MAP3K1: variants seen among roughly 807,000 people sequenced by gnomAD.
The protein encoded by MAP3K1 is MAP/ERK kinase kinase 1.
A neutral mutation model predicts 144.2 loss-of-function variants in MAP3K1; 36 were observed. The ratio of observed to expected loss-of-function variants is 0.25; its 90% confidence interval spans 0.19 to 0.33. The LOEUF (loss-of-function observed/expected upper bound fraction) is 0.33, where lower values mean the gene tolerates loss of function less well. Among genes scored for constraint, MAP3K1 ranks in the 10% least tolerant of loss-of-function variants. The pLI is 1.00. For missense variants in MAP3K1, 1,650 were observed against 1,881.9 expected, an observed-to-expected ratio of 0.88 and a Z score of 2.28; for synonymous variants, 718 against 688.7, an observed-to-expected ratio of 1.04 and a Z score of -0.67.
chr5:56,884,919 C>A (rs1748335483), intron 16 of MAP3K1, 93 bp downstream of exon 16: 2 of 1,214,018 alleles, frequency 1.6e-6, no homozygotes, highest in African/African-American at 1.5e-5. Flanking sequence ...TTATTTCTAT[C>A]AAATAGTTTG....
rs772929953 is a variant in MAP3K1 at position 56,888,081 on chromosome 5, A to G, written c.4258-145A>G. ...ACCTGGAAAATTAAGCTCATTAATGAAATAAATTAGATATTAGGTAGTCCA... is the reference window on the plus strand; with the variant it reads ...ACCTGGAAAATTAAGCTCATTAATGGAATAAATTAGATATTAGGTAGTCCA... On this transcript the variant is annotated intron_variant, in intron 18 of 19. Coordinates refer to ENST00000399503, the MANE Select transcript of MAP3K1 (RefSeq NM_005921.2). 101 of 688,336 alleles carry G rather than the reference A, an allele frequency of 1.5e-4. No homozygotes were observed. In the Middle Eastern group the frequency reaches 1.6e-3, roughly 11 times the overall value. The allele number at this position is 688,336 out of a possible 1,614,324, so 42.6% of individuals were successfully genotyped here.
intron 1 of MAP3K1, among the ~76,000 whole-genome samples, chr5:56,830,811 A>T (rs565924320): frequency 6.6e-6 from 1 of 151,780 alleles, no homozygotes; most frequent in Admixed American, 6.6e-5. Context: ...GCTAAATCTT[A>T]TATTGGTTAA....
chr5:56,866,040 T>G, intron 6 of MAP3K1, 63 bp downstream of exon 6: 1 of 1,243,654 alleles, frequency 8.0e-7, no homozygotes, highest in Non-Finnish European at 1.2e-6. Context: ...AGGGGTAATT[T>G]TTTATATCTA....
At chr5:56,843,778 T>C (rs1308314274) in intron 1 of MAP3K1, among the ~76,000 whole-genome samples, 1 of 152,226 alleles carries the variant, frequency 6.6e-6, no homozygotes, top group Non-Finnish European at 1.5e-5. Flanking sequence ...TTTTGAATTA[T>C]TGGAGCCTTA....
intron 1 of MAP3K1, among the ~76,000 whole-genome samples, chr5:56,818,701 CA>C (rs1216260244): frequency 1.3e-5 from 2 of 152,072 alleles, no homozygotes; most frequent in Admixed American, 1.3e-4. Context: ...TGTTACTCTC[CA>C]TTGAACAGCC....
In MAP3K1 at chr5:56,839,908, T is replaced by C. The variant is rs546916551; in HGVS notation, c.483-16692T>C. Among the ~76,000 whole-genome samples the C allele has an allele frequency of 2.2e-3, 338 of 152,330 alleles. 3 individuals carry two copies. Among genetic ancestry groups the C allele is most frequent in the African/African-American group, 7.8e-3 (324 of 41,568 alleles). On this transcript the variant is annotated intron_variant, in intron 1 of 19. Coordinates refer to ENST00000399503, the MANE Select transcript of MAP3K1 (RefSeq NM_005921.2). ...AATAAGTGGGTAAATAATCATCTTA[T>C]TAATGTTTCTTAAATGTATGTTACA...
At position 56,881,695 on chromosome 5, in the gene MAP3K1, A is replaced by G. The variant is rs1273697473; in HGVS notation, c.2495A>G (p.His832Arg). 1.9e-6 allele frequency: 3 copies of G among 1,613,992 alleles called. No individual in the cohort carries two copies. Among genetic ancestry groups the G allele is most frequent in the Non-Finnish European group, 2.5e-6 (3 of 1,179,960 alleles). ...SSARMVTTVP[H>R]VFSKLLEMLS... ...GCAAGAATGGTTACTACAGTACCCC[A>G]TGTGTTTTCAAAACTGTTAGAAATG... Residue 832 changes from histidine (H) to arginine (R), a missense_variant, in exon 14 of 20, where the codon CAT (histidine) becomes CGT (arginine). By Grantham distance (29) the His-to-Arg change is conservative (BLOSUM62 0). Transcript: ENST00000399503.
intron 19 of MAP3K1, among the ~76,000 whole-genome samples, chr5:56,890,701 T>G (rs1024730341): frequency 4.6e-5 from 7 of 152,080 alleles, no homozygotes; most frequent in African/African-American, 1.7e-4. Context: ...CTGTTGGTGT[T>G]GATTTACAAA....
chr5:56,865,086 T>C, intron 4 of MAP3K1, 152 bp downstream of exon 4: 1 of 797,998 alleles, frequency 1.3e-6, no homozygotes, highest in Non-Finnish European at 2.0e-6. Context: ...TATTTTTCTT[T>C]AATGTATTTA....
rs1748626200 is a variant in MAP3K1, at chr5:56,893,934, C to A, written c.*254C>A. 7.6e-6 allele frequency: 4 copies of A among 523,484 alleles called. No homozygotes were observed. Among genetic ancestry groups the A allele is most frequent in the Non-Finnish European group, 1.4e-5 (4 of 289,692 alleles). The allele number at this position is 523,484 out of a possible 1,614,324, so 32.4% of individuals were successfully genotyped here. On this transcript the variant is annotated 3_prime_UTR_variant, in exon 20 of 20. Transcript: ENST00000399503. ...AACTGGCCCTAGGTGAACAGGAAAA[C>A]AATGAAGTTTGCATGACTAAATTGC...
At chr5:56,834,090 A>G (rs1224040982) in intron 1 of MAP3K1, among the ~76,000 whole-genome samples, 1 of 152,056 alleles carries the variant, frequency 6.6e-6, no homozygotes, top group Non-Finnish European at 1.5e-5. Context: ...GGCAAGATAA[A>G]TATCTTTATC....
intron 1 of MAP3K1, among the ~76,000 whole-genome samples, chr5:56,816,769 G>A (rs902496557): frequency 9.2e-5 from 14 of 152,226 alleles, no homozygotes; most frequent in African/African-American, 3.4e-4. Flanking sequence ...TAGGAAGTGC[G>A]GTTTGTCTAA....
chr5:56,879,116 A>G lies in MAP3K1; in HGVS notation c.2087+15A>G. The G allele has an allele frequency of 1.2e-6, 2 of 1,613,824 alleles. No individual in the cohort carries two copies. The highest frequency in any genetic ancestry group is 2.7e-5 in the African/African-American group (2 of 75,018). The stretch of plus-strand genomic sequence containing the variant: ...GATGCCAATAGGTAAGGCTTTATTG[A>G]TGAATCACTTCAAACCCTCTTGTCT... On this transcript the variant is annotated intron_variant, in intron 11 of 19. Transcript: ENST00000399503.
At position 56,816,006 on chromosome 5, in the gene MAP3K1, G is replaced by A. The variant is rs1482818434; in HGVS notation, c.433G>A (p.Glu145Lys). ...GAGTCCCGCAGCGGCCGAGCCCGGGGAGAAGCGGGCGCCCGCCGCCGAGCC... is the reference window on the plus strand; with the variant it reads ...GAGTCCCGCAGCGGCCGAGCCCGGGAAGAAGCGGGCGCCCGCCGCCGAGCC... ...ASSPAAAEPG[E>K]KRAPAAEPSP... Residue 145 changes from glutamate to lysine, a missense_variant, in exon 1 of 20, where the codon GAG becomes AAG. Physicochemically the swap from Glu to Lys is moderately conservative, Grantham distance 56. Around this residue, in one of 6 missense-constraint regions of MAP3K1, gnomAD observed 360 missense variants for 274.7 expected, o/e 1.31. Transcript: ENST00000399503. The A allele has an allele frequency of 1.8e-5, 22 of 1,227,642 alleles. No homozygotes were observed. Among genetic ancestry groups the A allele is most frequent in the South Asian group, 7.7e-5 (2 of 25,816 alleles). The allele number at this position is 1,227,642 out of a possible 1,614,324, so 76.0% of individuals were successfully genotyped here.
intron 1 of MAP3K1, among the ~76,000 whole-genome samples, chr5:56,826,300 T>A (rs1281154294): frequency 6.6e-6 from 1 of 152,228 alleles, no homozygotes; most frequent in Non-Finnish European, 1.5e-5. Flanking sequence ...AGCTCTGGTT[T>A]AACAAGTTCC....
In MAP3K1 at chr5:56,861,568, T is replaced by TA. The variant is rs869216404; in HGVS notation, c.834+1675dup. Among the ~76,000 whole-genome samples, 196 of 114,158 alleles carry TA rather than the reference T, an allele frequency of 1.7e-3. 1 individual carries two copies. Among genetic ancestry groups the TA allele is most frequent in the African/African-American group, 2.8e-3 (81 of 29,156 alleles). The allele number at this position is 114,158 out of a possible 152,430, so 74.9% of individuals were successfully genotyped here. ...AGCCTGGGCGACAGAGTGAGACTCC[T>TA]AAAAAAAAAAAAAAAAAAAAAAGGG... On this transcript the variant is annotated intron_variant, in intron 3 of 19. Transcript: ENST00000399503.
intron 1 of MAP3K1, among the ~76,000 whole-genome samples, chr5:56,842,460 C>T (rs181081654): frequency 2.8e-4 from 43 of 152,228 alleles, no homozygotes; most frequent in Admixed American, 2.4e-3. Context: ...AGATGTAAAG[C>T]CACTGTATGG....
chr5:56,848,091 G>A (rs73135046), intron 1 of MAP3K1, among the ~76,000 whole-genome samples: 15 of 98,640 alleles, frequency 1.5e-4, no homozygotes, highest in African/African-American at 4.7e-4. Context: ...TGAGTCAAAG[G>A]TAATTGACTG....
chr5:56,865,255 T>C (rs944847015), intron 4 of MAP3K1, 85 bp from the exon 5 acceptor site: 1 of 836,388 alleles, frequency 1.2e-6, no homozygotes, highest in African/African-American at 1.7e-5. Flanking sequence ...TATAAAAAGT[T>C]GGAAATATTG....
Sources: gnomAD v4.1 joint callset for allele counts (sites outside exome capture counted in the v4.1 genomes callset) on GRCh38, gnomAD v4.1.1 for gene constraint, gnomAD v4.1.1 regional missense constraint, MANE v1.5 for transcripts, NCBI Gene and HGNC (gene_info 2026-07-23, HGNC 2026-07-21) for gene names.